The following IQSEC1 variants were observed in gnomAD, a reference collection of about 807,000 sequenced individuals.
IQSEC1 encodes the protein IQ motif and Sec7 domain ArfGEF 1.
Under a neutral mutation model 91.0 loss-of-function variants are expected in IQSEC1, and 31 were observed. That is an observed-to-expected ratio of 0.34 (90% CI 0.26 to 0.46). IQSEC1 has a LOEUF of 0.46. Ranked by LOEUF, IQSEC1 falls within the 20% of genes least tolerant of loss-of-function variation. IQSEC1 has a pLI of 1.00. For synonymous variants in IQSEC1, 699 were observed against 662.6 expected, an observed-to-expected ratio of 1.05 and a Z score of -0.84; for missense variants, 1,388 against 1,575.6, an observed-to-expected ratio of 0.88 and a Z score of 2.02.
At chr3:13,154,670 G>A (rs548247131) in intron 2 of IQSEC1, among the ~76,000 whole-genome samples, 29 of 150,600 alleles carry the variant, frequency 1.9e-4, no homozygotes, top group South Asian at 1.1e-3. Flanking sequence ...TCAACAGAAC[G>A]CAGAGTCCTC....
At chr3:13,076,897 G>A (rs143236992), upstream of IQSEC1, among the ~76,000 whole-genome samples, 1,346 of 152,094 alleles carry the variant, frequency 8.8e-3, 23 homozygotes, top group African/African-American at 0.031. Context: ...AGAGGTGACC[G>A]CTGTCATCTG....
At chr3:13,023,076 G>C (rs1179669024) in intron 1 of IQSEC1, among the ~76,000 whole-genome samples, 1 of 152,234 alleles carries the variant, frequency 6.6e-6, no homozygotes, top group East Asian at 1.9e-4. Flanking sequence ...GATAGAGGAA[G>C]TCACTTACCC....
intron 2 of IQSEC1, among the ~76,000 whole-genome samples, chr3:13,105,127 G>A (rs1482142626): frequency 6.6e-6 from 1 of 152,180 alleles, no homozygotes; most frequent in African/African-American, 2.4e-5. Flanking sequence ...CGGCATTCAA[G>A]GTCTTTCATG....
rs1693995559 is a variant in IQSEC1, at chr3:12,899,446, G to A, written c.*1537C>T. ...TCGAAAGGCTGAAACTACAAAGTAT[G>A]GCCCGTGGGTGACTCGGGCACAGAC... On this transcript the variant is annotated 3_prime_UTR_variant, in exon 14 of 14. Transcript: ENST00000613206. 3.1e-6 allele frequency: 5 copies of A among 1,608,274 alleles called. No homozygotes were observed. The highest frequency in any genetic ancestry group is 4.2e-6 in the Non-Finnish European group (5 of 1,177,962).
chr3:12,981,582 T>A (rs1701465497), intron 1 of IQSEC1, among the ~76,000 whole-genome samples: 1 of 152,218 alleles, frequency 6.6e-6, no homozygotes, highest in African/African-American at 2.4e-5. Flanking sequence ...TCTTTTGAAT[T>A]GTAAACCATG....
intron 1 of IQSEC1, among the ~76,000 whole-genome samples, chr3:13,231,882 C>T (rs1323932556): frequency 1.3e-5 from 2 of 152,220 alleles, no homozygotes; most frequent in Non-Finnish European, 2.9e-5. Flanking sequence ...TTGGCGATGC[C>T]GTGCATGACT....
intron 1 of IQSEC1, among the ~76,000 whole-genome samples, chr3:13,277,041 C>A (rs772153824): frequency 2.9e-5 from 4 of 137,542 alleles, no homozygotes; most frequent in Non-Finnish European, 6.1e-5. Context: ...GGCAATTATA[C>A]GGCTGACACC....
At chr3:13,045,827 A>C (rs1423556018) in intron 1 of IQSEC1, among the ~76,000 whole-genome samples, 2 of 152,238 alleles carry the variant, frequency 1.3e-5, no homozygotes, top group Non-Finnish European at 2.9e-5. Context: ...CTGACACAGG[A>C]ACCCACACGC....
At chr3:13,216,290 A>G (rs1694549375) in intron 1 of IQSEC1, among the ~76,000 whole-genome samples, 1 of 152,262 alleles carries the variant, frequency 6.6e-6, no homozygotes, top group Non-Finnish European at 1.5e-5. Context: ...GCATTTCCCA[A>G]CCAGCATCCC....
In IQSEC1 at chr3:13,112,748, A is replaced by G. The variant is rs991610637; in HGVS notation, c.302+51356T>C. Among the ~76,000 whole-genome samples the G allele has an allele frequency of 2.6e-5, 4 of 152,262 alleles. No homozygotes were observed. The East Asian group carries it at 7.7e-4, about 29-fold the overall frequency. On this transcript the variant is annotated intron_variant, in intron 2 of 15. Coordinates refer to the IQSEC1 transcript ENST00000648114. ...GGGGCGAGCAGGCCCACCTGCCCCT[A>G]TGCCCCTCCCCTGACCTGGCCACAC...
chr3:12,936,206 G>A lies in IQSEC1; in HGVS notation c.810C>T (p.Ala270=). 6.2e-7 allele frequency: 1 copy of A among 1,613,060 alleles called. No homozygotes were observed. The highest frequency in any genetic ancestry group is 2.2e-5 in the East Asian group (1 of 44,850). ...ARARDTEPQT[A]LHGMDHRKLD... Reference sequence around the variant, plus strand: ...GTTTGCGGTGGTCCATGCCGTGCAGGGCTGTCTGGGGTTCGGTGTCCCGGG... The same window carrying A: ...GTTTGCGGTGGTCCATGCCGTGCAGAGCTGTCTGGGGTTCGGTGTCCCGGG... Residue 270 remains alanine (A), a synonymous_variant, in exon 3 of 14, where the codon GCC becomes GCT. Transcript: ENST00000613206.
At chr3:13,266,799 G>A (rs1229320200) in intron 1 of IQSEC1, among the ~76,000 whole-genome samples, 1 of 152,164 alleles carries the variant, frequency 6.6e-6, no homozygotes, top group South Asian at 2.1e-4. Flanking sequence ...AACAACGCTC[G>A]CTGCCTCCTC....
intron 13 of IQSEC1, 130 bp downstream of exon 13, chr3:12,902,643 C>T (rs1440431606): frequency 2.6e-5 from 8 of 305,620 alleles, no homozygotes; most frequent in African/African-American, 1.5e-4. Context: ...AAGGAAAAGC[C>T]AAAAAAAAAA....
chr3:13,153,095 T>C, intron 2 of IQSEC1, among the ~76,000 whole-genome samples: 1 of 143,256 alleles, frequency 7.0e-6, no homozygotes, highest in Non-Finnish European at 1.5e-5. Flanking sequence ...CCCCTCCTTC[T>C]CCCCTCTCCC....
At chr3:13,023,325 C>T (rs904730001) in intron 1 of IQSEC1, among the ~76,000 whole-genome samples, 1 of 152,190 alleles carries the variant, frequency 6.6e-6, no homozygotes, top group African/African-American at 2.4e-5. Context: ...CCACCAGCTG[C>T]TCCCAGGCCC....
At chr3:13,042,961 G>A (rs1261533415) in intron 1 of IQSEC1, among the ~76,000 whole-genome samples, 1 of 152,156 alleles carries the variant, frequency 6.6e-6, no homozygotes, top group Non-Finnish European at 1.5e-5. Flanking sequence ...CCTGTGCGAG[G>A]GAAAACTCAC....
intron 2 of IQSEC1, among the ~76,000 whole-genome samples, chr3:13,139,525 G>T (rs1261743328): frequency 6.6e-6 from 1 of 152,202 alleles, no homozygotes; most frequent in Non-Finnish European, 1.5e-5. Context: ...GTACCTGCAG[G>T]TCTCATCCTG....
At chr3:13,019,075 C>G (rs534798347) in intron 1 of IQSEC1, among the ~76,000 whole-genome samples, 43 of 152,368 alleles carry the variant, frequency 2.8e-4, no homozygotes, top group African/African-American at 9.1e-4. Context: ...TGGCTCCCCC[C>G]CAACTCTACA....
At chr3:13,005,748 T>C (rs1240744852) in intron 1 of IQSEC1, among the ~76,000 whole-genome samples, 2 of 152,230 alleles carry the variant, frequency 1.3e-5, no homozygotes, top group South Asian at 2.1e-4. Context: ...GGAGGCTTCG[T>C]AGGGACGGGG....
Sources: allele counts gnomAD v4.1 joint callset (sites outside exome capture counted in the v4.1 genomes callset), GRCh38; gene constraint gnomAD v4.1.1; transcripts MANE v1.5; gene names NCBI Gene and HGNC (gene_info 2026-07-23, HGNC 2026-07-21).